RASGRF2: variants seen among roughly 807,000 people sequenced by gnomAD.
The protein encoded by RASGRF2 is Ras protein specific guanine nucleotide releasing factor 2, also known as ras-specific guanine nucleotide-releasing factor 2.
RASGRF2 carries 76 observed loss-of-function variants against 151.0 expected under a neutral mutation model. The observed-to-expected ratio is 0.50, with a 90% CI of 0.42 to 0.61. The LOEUF (loss-of-function observed/expected upper bound fraction) is 0.61. Ranked by LOEUF, RASGRF2 falls within the 20% of genes least tolerant of loss-of-function variation. The pLI is 0.00. For missense variants in RASGRF2, 1,148 were observed against 1,564.6 expected, an observed-to-expected ratio of 0.73 and a Z score of 4.49; for synonymous variants, 504 against 566.5, an observed-to-expected ratio of 0.89 and a Z score of 1.57.
rs540936161 is a variant in RASGRF2, at chr5:81,025,620, G to C, written c.289-17257G>C. Reference sequence around the variant, plus strand: ...CCTTTCCAAGTCCAACATGGTGGTTGAGTACCTCACCTTGACACATGGCCA... The same window carrying C: ...CCTTTCCAAGTCCAACATGGTGGTTCAGTACCTCACCTTGACACATGGCCA... On this transcript the variant is annotated intron_variant, in intron 1 of 26. Coordinates refer to ENST00000265080, the MANE Select transcript of RASGRF2 (RefSeq NM_006909.3). Among the ~76,000 whole-genome samples the C allele has an allele frequency of 1.5e-4, 23 of 152,334 alleles. 1 individual carries two copies. Among genetic ancestry groups the C allele is most frequent in the African/African-American group, 4.8e-4 (20 of 41,578 alleles).
chr5:81,095,340 A>G (rs1450023988), intron 12 of RASGRF2, among the ~76,000 whole-genome samples: 1 of 152,154 alleles, frequency 6.6e-6, no homozygotes. Flanking sequence ...TTTGTTTCTG[A>G]AGCAGAATAA....
chr5:81,166,950 G>T (rs571004984), intron 17 of RASGRF2, among the ~76,000 whole-genome samples: 10 of 152,290 alleles, frequency 6.6e-5, no homozygotes, highest in Admixed American at 5.9e-4. Flanking sequence ...GGACGAAACT[G>T]CAGAGAGCTT....
intron 1 of RASGRF2, among the ~76,000 whole-genome samples, chr5:80,985,536 T>C (rs115312587): frequency 0.012 from 1,792 of 152,284 alleles, 28 homozygotes; most frequent in African/African-American, 0.04. Flanking sequence ...GCCCCAGAGA[T>C]TAGTCACGTG....
intron 17 of RASGRF2, among the ~76,000 whole-genome samples, chr5:81,156,856 G>A (rs1417233572): frequency 6.6e-6 from 1 of 152,090 alleles, no homozygotes; most frequent in Non-Finnish European, 1.5e-5. Context: ...AAGGTAGCCT[G>A]ATTAGAAAAG....
In RASGRF2 at chr5:81,087,424, A is replaced by G. The variant is rs1448436893; in HGVS notation, c.1390+471A>G. 1.0e-5 allele frequency: 7 copies of G among 669,404 alleles called. No individual in the cohort carries two copies. The East Asian group carries it at 1.9e-4, about 18-fold the overall frequency. 41.5% of individuals were successfully genotyped at this position (669,404 alleles called of 1,614,324 possible). On this transcript the variant is annotated intron_variant, in intron 9 of 26. Transcript: ENST00000265080. ...CACTTCCGGATCCGCCCCACACGAT[A>G]TAATTTGATTCAACTGGTAACTCCC...
At chr5:81,108,682 CAA>C (rs1161942958) in intron 12 of RASGRF2, among the ~76,000 whole-genome samples, 1 of 152,172 alleles carries the variant, frequency 6.6e-6, no homozygotes, top group Non-Finnish European at 1.5e-5. Flanking sequence ...AGAATTGTGA[CAA>C]AGTGACATTG....
At chr5:81,112,471 A>G in intron 13 of RASGRF2, 139 bp from the exon 14 acceptor site, 2 of 1,135,792 alleles carry the variant, frequency 1.8e-6, no homozygotes, top group Non-Finnish European at 2.5e-6. Context: ...CTGAGGGACA[A>G]CTGTGCAATT....
chr5:80,996,127 C>G (rs1748851746), intron 1 of RASGRF2, among the ~76,000 whole-genome samples: 1 of 151,926 alleles, frequency 6.6e-6, no homozygotes, highest in Admixed American at 6.6e-5. Flanking sequence ...TTTATTGCCT[C>G]TTTTGCTTAC....
intron 2 of RASGRF2, among the ~76,000 whole-genome samples, chr5:81,051,249 T>G (rs1450023821): frequency 6.6e-6 from 1 of 152,216 alleles, no homozygotes; most frequent in Non-Finnish European, 1.5e-5. Flanking sequence ...ACATTAGAGT[T>G]TTTGAATTAA....
intron 1 of RASGRF2, among the ~76,000 whole-genome samples, chr5:80,985,096 C>A (rs1748433980): frequency 6.6e-6 from 1 of 152,172 alleles, no homozygotes; most frequent in South Asian, 2.1e-4. Context: ...CTTGTAGTCC[C>A]AGCTACTTGG....
At chr5:81,016,106 A>C (rs1749628140) in intron 1 of RASGRF2, among the ~76,000 whole-genome samples, 1 of 152,196 alleles carries the variant, frequency 6.6e-6, no homozygotes, top group Non-Finnish European at 1.5e-5. Context: ...TAAACAAGTA[A>C]ATGAGAGAGC....
chr5:81,141,657 C>T (rs1753888390), intron 17 of RASGRF2, among the ~76,000 whole-genome samples: 3 of 152,216 alleles, frequency 2.0e-5, no homozygotes, highest in African/African-American at 7.2e-5. Context: ...TTCTCTGCAG[C>T]ACGTCCATTT....
chr5:81,227,410 T>C lies in RASGRF2; in HGVS notation c.*1640T>C, dbSNP rs973255207. 1 of 152,236 alleles carries C rather than the reference T, an allele frequency of 6.6e-6. No individual in the cohort carries two copies. Among genetic ancestry groups the C allele is most frequent in the Non-Finnish European group, 1.5e-5 (1 of 68,042 alleles). 9.4% of individuals were successfully genotyped at this position (152,236 alleles called of 1,614,324 possible). Reference sequence around the variant, plus strand: ...AAGACCATTCCCAAAATATTTTCAATAGTTCATATTAGCCAACAGTGTAGC... The same window carrying C: ...AAGACCATTCCCAAAATATTTTCAACAGTTCATATTAGCCAACAGTGTAGC... On this transcript the variant is annotated 3_prime_UTR_variant, in exon 27 of 27. Coordinates refer to ENST00000265080, the MANE Select transcript of RASGRF2 (RefSeq NM_006909.3).
chr5:81,071,834 C>G (rs1033753911), intron 4 of RASGRF2, among the ~76,000 whole-genome samples: 1 of 152,006 alleles, frequency 6.6e-6, no homozygotes, highest in Non-Finnish European at 1.5e-5. Context: ...AGAAACTAGT[C>G]TATTACTAAA....
At position 81,189,066 on chromosome 5, in the gene RASGRF2, G is replaced by C. The variant is rs989864381; in HGVS notation, c.2793+8785G>C. 3.9e-5 allele frequency among the ~76,000 whole-genome samples: 6 copies of C among 152,210 alleles called. No individual in the cohort carries two copies. In the East Asian group the frequency reaches 5.8e-4, roughly 15 times the overall value. On this transcript the variant is annotated intron_variant, in intron 18 of 26. Coordinates refer to ENST00000265080, the MANE Select transcript of RASGRF2 (RefSeq NM_006909.3). Reference sequence around the variant, plus strand: ...CTCAAAGGATTTGTACTTGCTAAAGGCTGGTGCAGGGAGGAGTGCTGTGCC... The same window carrying C: ...CTCAAAGGATTTGTACTTGCTAAAGCCTGGTGCAGGGAGGAGTGCTGTGCC...
intron 16 of RASGRF2, 44 bp from the exon 17 acceptor site, chr5:81,127,030 C>A: frequency 6.3e-7 from 1 of 1,580,444 alleles, no homozygotes; most frequent in Non-Finnish European, 8.7e-7. Flanking sequence ...AGAATATTAT[C>A]CATTTGCCTC....
chr5:81,093,454 C>T (rs1752449320), intron 10 of RASGRF2, among the ~76,000 whole-genome samples: 1 of 152,100 alleles, frequency 6.6e-6, no homozygotes, highest in Admixed American at 6.5e-5. Flanking sequence ...CTCTGTTGCC[C>T]AGGCTGGAGT....
chr5:81,226,141 T>C lies in RASGRF2; in HGVS notation c.*371T>C, dbSNP rs1208350085. 6.0e-6 allele frequency: 1 copy of C among 166,958 alleles called. No homozygotes were observed. Among genetic ancestry groups the C allele is most frequent in the Admixed American group, 6.3e-5 (1 of 15,808 alleles). 10.3% of individuals were successfully genotyped at this position (166,958 alleles called of 1,614,324 possible). On this transcript the variant is annotated 3_prime_UTR_variant, in exon 27 of 27. Transcript: ENST00000265080. ...GATCCATGAAAAAGACCTGTGATGT[T>C]TCTCTGGCGCTTTACTGGCCTGGGC...
intron 18 of RASGRF2, among the ~76,000 whole-genome samples, chr5:81,188,290 A>G (rs12521784): frequency 0.4 from 60,791 of 152,114 alleles, 12,419 homozygotes; most frequent in Middle Eastern, 0.61. Context: ...TATAGGAGAA[A>G]GATGCCTCTC....
Sources: allele counts gnomAD v4.1 joint callset (sites outside exome capture counted in the v4.1 genomes callset), GRCh38; gene constraint gnomAD v4.1.1; transcripts MANE v1.5; gene names NCBI Gene and HGNC (gene_info 2026-07-23, HGNC 2026-07-21).